Variants in HDX observed in about 807,000 individuals in gnomAD.
HDX encodes chromosome X open reading frame 43.
Under a neutral mutation model 45.2 loss-of-function variants are expected in HDX, and 19 were observed. That is an observed-to-expected ratio of 0.42 (90% CI 0.29 to 0.62). The LOEUF is 0.62. Ranked by LOEUF, HDX falls within the 20% of genes least tolerant of loss-of-function variation. The pLI is 0.20. For missense variants in HDX, 532 were observed against 493.9 expected, an observed-to-expected ratio of 1.08 and a Z score of -0.73; for synonymous variants, 188 against 172.8, an observed-to-expected ratio of 1.09 and a Z score of -0.69.
At chrX:84,412,693 TATC>T (rs2039015808) in intron 5 of HDX, among the ~76,000 whole-genome samples, 1 of 111,636 alleles carries the variant, frequency 9.0e-6, no homozygotes, top group Non-Finnish European at 1.9e-5. Context: ...CTTCCTGTAT[TATC>T]TGAATTTGAA....
chrX:84,357,110 A>G (rs2037506776), intron 6 of HDX, among the ~76,000 whole-genome samples: 1 of 111,107 alleles, frequency 9.0e-6, no homozygotes, highest in Admixed American at 9.6e-5. Context: ...AAAATGAAAA[A>G]CTCAGTAGAG....
chrX:84,476,364 C>T (rs151003504), intron 2 of HDX, among the ~76,000 whole-genome samples: 1,131 of 109,201 alleles, frequency 0.01, 23 homozygotes, highest in African/African-American at 0.037. Context: ...CCAAGAAAAG[C>T]GTCTCCTCAA....
intron 1 of HDX, among the ~76,000 whole-genome samples, chrX:84,489,693 G>A (rs1443408134): frequency 2.7e-5 from 3 of 112,165 alleles, no homozygotes; most frequent in African/African-American, 9.7e-5. Flanking sequence ...GGTAGAGGGA[G>A]AGAGTTCCTT....
chrX:84,486,606 T>C (rs2040796555), intron 2 of HDX, among the ~76,000 whole-genome samples: 2 of 111,205 alleles, frequency 1.8e-5, no homozygotes, highest in South Asian at 7.6e-4. Context: ...TTCTGATACA[T>C]ATTTTCATGG....
chrX:84,437,089 C>G (rs758720998), intron 5 of HDX, among the ~76,000 whole-genome samples: 14 of 110,619 alleles, frequency 1.3e-4, no homozygotes, highest in Non-Finnish European at 2.5e-4. Context: ...TAGAGATATG[C>G]ATAGAATGAA....
intron 7 of HDX, 149 bp from the exon 8 acceptor site, chrX:84,337,029 A>G (rs369914322): frequency 4.4e-5 from 19 of 428,398 alleles, no homozygotes; most frequent in East Asian, 4.3e-4. Context: ...TCTACTTCAA[A>G]CAATGCATTC....
chrX:84,363,766 A>AT (rs982521912), intron 5 of HDX, among the ~76,000 whole-genome samples: 19 of 112,135 alleles, frequency 1.7e-4, no homozygotes, highest in Non-Finnish European at 3.0e-4. Flanking sequence ...GAAAAGATGA[A>AT]TTTTTTCCCA....
intron 6 of HDX, among the ~76,000 whole-genome samples, chrX:84,361,228 T>G (rs761029868): frequency 5.4e-5 from 6 of 111,963 alleles, no homozygotes; most frequent in East Asian, 5.6e-4. Context: ...ATCTATTCAT[T>G]TCCTTTGCCT....
chrX:84,436,466 T>C (rs1263656338), intron 5 of HDX, among the ~76,000 whole-genome samples: 1 of 112,233 alleles, frequency 8.9e-6, no homozygotes, highest in Non-Finnish European at 1.9e-5. Context: ...CATTTATTGC[T>C]ATTAACTTGG....
chrX:84,468,393 G>A, intron 4 of HDX, 79 bp downstream of exon 4: 5 of 621,858 alleles, frequency 8.0e-6, no homozygotes, highest in Non-Finnish European at 7.2e-6. Flanking sequence ...CAATATATGA[G>A]TTAAGTGATC....
intron 6 of HDX, among the ~76,000 whole-genome samples, chrX:84,352,608 C>A (rs1280076735): frequency 9.0e-6 from 1 of 111,512 alleles, no homozygotes; most frequent in Non-Finnish European, 1.9e-5. Context: ...TCCCCTCAAG[C>A]ATTTATCCTT....
intron 5 of HDX, among the ~76,000 whole-genome samples, chrX:84,369,232 C>T (rs2037836034): frequency 8.9e-6 from 1 of 112,205 alleles, no homozygotes; most frequent in South Asian, 3.7e-4. Flanking sequence ...ATCTATGTCA[C>T]AGCATGTGTC....
At chrX:84,455,844 C>T (rs1465402978) in intron 4 of HDX, among the ~76,000 whole-genome samples, 1 of 112,240 alleles carries the variant, frequency 8.9e-6, no homozygotes, top group Non-Finnish European at 1.9e-5. Context: ...AAACAAATGA[C>T]ATACAATGAA....
intron 1 of HDX, among the ~76,000 whole-genome samples, chrX:84,501,144 T>C (rs191551220): frequency 5.4e-5 from 6 of 112,122 alleles, no homozygotes; most frequent in Admixed American, 1.9e-4. Context: ...TGGAGGGCAA[T>C]TAATAACAAT....
chrX:84,473,089 G>T (rs1335046487), intron 3 of HDX, among the ~76,000 whole-genome samples: 1 of 108,849 alleles, frequency 9.2e-6, no homozygotes, highest in Non-Finnish European at 1.9e-5. Context: ...TTGTGTTTCA[G>T]TTCTTTCTTA....
At chrX:84,340,930 A>G (rs897784380) in intron 7 of HDX, among the ~76,000 whole-genome samples, 2 of 111,689 alleles carry the variant, frequency 1.8e-5, no homozygotes, top group African/African-American at 6.5e-5. Context: ...AGAACACACC[A>G]TGACAAAGAA....
Position 84,343,713 on chromosome X carries a change from A to G in HDX, c.1660+537T>C, listed in dbSNP as rs544234248. Among the ~76,000 whole-genome samples the G allele has an allele frequency of 3.5e-4, 39 of 111,638 alleles. 1 individual carries two copies. In the South Asian group the frequency reaches 0.014, roughly 41 times the overall value. On this transcript the variant is annotated intron_variant, in intron 7 of 10. Coordinates refer to ENST00000373177, the MANE Select transcript of HDX (RefSeq NM_001177479.2). ...AACATACTTCTCATGGACAGATAGT[A>G]TCATTACATAATATTATTTTAATTA...
At chrX:84,492,482 G>C (rs2040910626) in intron 1 of HDX, among the ~76,000 whole-genome samples, 1 of 110,809 alleles carries the variant, frequency 9.0e-6, no homozygotes, top group South Asian at 3.8e-4. Context: ...CTTTAGCAGA[G>C]ATAATTGACC....
At chrX:84,495,672 C>CA (rs1478542664) in intron 1 of HDX, among the ~76,000 whole-genome samples, 1 of 111,239 alleles carries the variant, frequency 9.0e-6, no homozygotes, top group Non-Finnish European at 1.9e-5. Context: ...AAAAATAAAA[C>CA]AAAAACAAAA....
Sources: allele counts gnomAD v4.1 joint callset (sites outside exome capture counted in the v4.1 genomes callset), GRCh38; gene constraint gnomAD v4.1.1; transcripts MANE v1.5; gene names NCBI Gene and HGNC (gene_info 2026-07-23, HGNC 2026-07-21).